Variants in COLEC12 observed in about 807,000 individuals in gnomAD.
COLEC12 encodes collectin subfamily member 12.
COLEC12 carries 33 observed loss-of-function variants against 71.1 expected under a neutral mutation model. That is an observed-to-expected ratio of 0.46 (90% CI 0.35 to 0.62). The LOEUF (loss-of-function observed/expected upper bound fraction) is 0.62, where lower values mean the gene tolerates loss of function less well. Ranked by LOEUF, COLEC12 falls within the 20% of genes least tolerant of loss-of-function variation. COLEC12 has a pLI of 0.00. For synonymous variants in COLEC12, 350 were observed against 353.0 expected (o/e 0.99, Z 0.10); for missense variants, 765 against 916.1 (o/e 0.84, Z 2.13).
At chr18:435,888 A>G (rs752675769) in intron 2 of COLEC12, among the ~76,000 whole-genome samples, 4 of 152,180 alleles carry the variant, frequency 2.6e-5, no homozygotes, top group Non-Finnish European at 4.4e-5. Context: ...TTCTGATGAC[A>G]ACAGAAATTT....
At chr18:488,420 A>G (rs1414095685) in intron 1 of COLEC12, among the ~76,000 whole-genome samples, 3 of 152,318 alleles carry the variant, frequency 2.0e-5, no homozygotes, top group Non-Finnish European at 4.4e-5. Context: ...CAAAAAAGAG[A>G]AAAAGAAAGA....
chr18:401,465 T>G (rs886226142), intron 2 of COLEC12, among the ~76,000 whole-genome samples: 1 of 152,212 alleles, frequency 6.6e-6, no homozygotes, highest in Admixed American at 6.5e-5. Flanking sequence ...AAAGGCCAAT[T>G]GCAAGAATGT....
rs115459182 is a variant in COLEC12, at chr18:364,614, G to T, written c.59-7092C>A. On this transcript the variant is annotated intron_variant, in intron 2 of 9. Coordinates refer to ENST00000400256, the MANE Select transcript of COLEC12 (RefSeq NM_130386.3). ...TAAGTGCTGAATCTTTTCATTAAAA[G>T]GACTCATGAAAATGCAGCTCTAGCT... 1.6e-3 allele frequency among the ~76,000 whole-genome samples: 240 copies of T among 152,272 alleles called. 1 individual carries two copies. The highest frequency in any genetic ancestry group is 5.6e-3 in the African/African-American group (232 of 41,558).
At chr18:347,433 C>T in intron 4 of COLEC12, 92 bp from the exon 5 acceptor site, 1 of 1,063,920 alleles carries the variant, frequency 9.4e-7, no homozygotes, top group Non-Finnish European at 1.4e-6. Context: ...TCGGTATGCA[C>T]TGTATTTTAG....
chr18:423,426 C>A (rs190312632), intron 2 of COLEC12, among the ~76,000 whole-genome samples: 10 of 152,080 alleles, frequency 6.6e-5, no homozygotes, highest in East Asian at 1.9e-4. Flanking sequence ...AAATAAAATT[C>A]TTCTTCTTCT....
At chr18:449,741 G>A (rs1390027350) in intron 2 of COLEC12, among the ~76,000 whole-genome samples, 8 of 152,160 alleles carry the variant, frequency 5.3e-5, no homozygotes, top group Non-Finnish European at 1.0e-4. Context: ...GCAGGGACAC[G>A]AGAGCCAGGT....
chr18:410,216 T>A (rs1437754454), intron 2 of COLEC12, among the ~76,000 whole-genome samples: 2 of 152,190 alleles, frequency 1.3e-5, no homozygotes, highest in African/African-American at 4.8e-5. Flanking sequence ...AGCATGTTCA[T>A]AAAATATTGA....
chr18:335,377 A>G (rs1352707825), intron 5 of COLEC12, 147 bp from the exon 6 acceptor site: 2 of 839,486 alleles, frequency 2.4e-6, no homozygotes, highest in Non-Finnish European at 3.5e-6. Context: ...TTATCATACT[A>G]CTGTAGACTG....
Position 407,931 on chromosome 18 carries a change from T to C in COLEC12, c.59-50409A>G, listed in dbSNP as rs980339486. ...TCTGGGGAGTGGGGCCTGACATTTA[T>C]ATTTTTAAAAAGCTCCCCAGGTGAT... On this transcript the variant is annotated intron_variant, in intron 2 of 9. Coordinates refer to ENST00000400256, the MANE Select transcript of COLEC12 (RefSeq NM_130386.3). 2.4e-4 allele frequency among the ~76,000 whole-genome samples: 36 copies of C among 152,354 alleles called. 1 individual carries two copies. The highest frequency in any genetic ancestry group is 2.2e-3 in the Admixed American group (34 of 15,306).
intron 2 of COLEC12, among the ~76,000 whole-genome samples, chr18:453,022 T>C (rs540891573): frequency 1.2e-4 from 18 of 152,326 alleles, no homozygotes; most frequent in African/African-American, 2.6e-4. Flanking sequence ...AGAGTCATCT[T>C]TTATTACACA....
chr18:412,832 C>T (rs1425691841), intron 2 of COLEC12, among the ~76,000 whole-genome samples: 1 of 152,124 alleles, frequency 6.6e-6, no homozygotes, highest in Non-Finnish European at 1.5e-5. Flanking sequence ...CTAGAAACCA[C>T]TATAGATATA....
Position 347,021 on chromosome 18 carries a change from C to T in COLEC12, c.601G>A (p.Val201Met). 1.2e-6 allele frequency: 2 copies of T among 1,614,188 alleles called. No individual in the cohort carries two copies. Among genetic ancestry groups the T allele is most frequent in the Non-Finnish European group, 8.5e-7 (1 of 1,180,030 alleles). ...NLQNQMYSHN[V>M]VIMNLNNLNL... ...AGGTTGTTGAGGTTCATGATGACCA[C>T]ATTATGAGAATACATTTGGTTCTGC... The change falls in exon 5 of 10, where the codon GTG becomes ATG. Residue 201 changes from valine (V) to methionine (M), a missense_variant. Coordinates refer to ENST00000400256, the MANE Select transcript of COLEC12 (RefSeq NM_130386.3).
chr18:483,399 CAA>C (rs71174236), intron 1 of COLEC12, among the ~76,000 whole-genome samples: 11 of 81,322 alleles, frequency 1.4e-4, no homozygotes, highest in Admixed American at 1.4e-4. Flanking sequence ...GACTCCGTCT[CAA>C]AAAAAAAAAA....
chr18:441,180 G>A (rs934503803), intron 2 of COLEC12, among the ~76,000 whole-genome samples: 12 of 149,100 alleles, frequency 8.0e-5, no homozygotes, highest in Non-Finnish European at 1.2e-4. Flanking sequence ...CCCGGGAGGC[G>A]GAGCTTGCAG....
At chr18:491,763 G>A (rs1225051626) in intron 1 of COLEC12, among the ~76,000 whole-genome samples, 1 of 152,174 alleles carries the variant, frequency 6.6e-6, no homozygotes, top group South Asian at 2.1e-4. Context: ...GAAGTACCTG[G>A]TTGATATTGA....
chr18:484,598 G>A (rs1171117428), intron 1 of COLEC12, among the ~76,000 whole-genome samples: 3 of 152,100 alleles, frequency 2.0e-5, no homozygotes, highest in African/African-American at 4.8e-5. Flanking sequence ...TTGGGGGCGA[G>A]GATAGAGATT....
At position 346,948 on chromosome 18, in the gene COLEC12, C is replaced by A. The variant is rs147145179; in HGVS notation, c.674G>T (p.Arg225Leu). The change falls in exon 5 of 10, where the codon CGG (arginine) becomes CTG (leucine). Residue 225 changes from arginine to leucine, a missense_variant. Arg to Leu is a moderately radical substitution (Grantham distance 102, BLOSUM62 -2). Coordinates refer to ENST00000400256, the MANE Select transcript of COLEC12 (RefSeq NM_130386.3). The surrounding 1 kb of genome is among the most constrained non-coding windows in gnomAD (Gnocchi z 4.0). ...QQRNLITNLQ[R>L]SVDDTSQAIQ... The stretch of plus-strand genomic sequence containing the variant: ...AGCCTGGCTTGTGTCATCCACAGAC[C>A]GCTGCAGATTCGTGATGAGGTTCCT... 1 of 1,614,124 alleles carries A rather than the reference C, an allele frequency of 6.2e-7. No individual in the cohort carries two copies. The highest frequency in any genetic ancestry group is 1.1e-5 in the South Asian group (1 of 91,076).
In COLEC12 at chr18:490,840, C is replaced by T. The variant is rs995100364; in HGVS notation, c.7+9668G>A. The stretch of plus-strand genomic sequence containing the variant: ...TAGCAAATGCAGACATTTTTAGGAG[C>T]CAGCCTGAAGGACCGTGGACAGGGA... On this transcript the variant is annotated intron_variant, in intron 1 of 9. Coordinates refer to ENST00000400256, the MANE Select transcript of COLEC12 (RefSeq NM_130386.3). Among the ~76,000 whole-genome samples the T allele has an allele frequency of 3.9e-5, 6 of 152,298 alleles. 1 individual carries two copies. Among genetic ancestry groups the T allele is most frequent in the African/African-American group, 1.4e-4 (6 of 41,570 alleles).
intron 2 of COLEC12, among the ~76,000 whole-genome samples, chr18:382,971 A>G (rs1286059375): frequency 1.3e-5 from 2 of 152,148 alleles, no homozygotes; most frequent in African/African-American, 2.4e-5. Context: ...TTAAAAATGC[A>G]ATGATTTTTT....
Sources: allele counts gnomAD v4.1 joint callset (sites outside exome capture counted in the v4.1 genomes callset), GRCh38; gene constraint gnomAD v4.1.1; non-coding constraint Gnocchi (gnomAD v3.1); transcripts MANE v1.5; gene names NCBI Gene and HGNC (gene_info 2026-07-23, HGNC 2026-07-21).